SEL1L: variants seen among roughly 807,000 people sequenced by gnomAD.
The protein encoded by SEL1L is protein sel-1 homolog 1.
A neutral mutation model predicts 109.8 loss-of-function variants in SEL1L; 52 were observed. The ratio of observed to expected loss-of-function variants is 0.47; its 90% CI spans 0.38 to 0.60. The LOEUF (loss-of-function observed/expected upper bound fraction) is 0.60. SEL1L is among the 20% of genes least tolerant of loss of function. The pLI, the probability that SEL1L is intolerant of heterozygous loss-of-function variation, is 0.00. For synonymous variants in SEL1L, 373 were observed against 339.6 expected, an observed-to-expected ratio of 1.10 and a Z score of -1.08; for missense variants, 749 against 962.2, an observed-to-expected ratio of 0.78 and a Z score of 2.93.
chr14:81,481,319 G>A (rs929393585), intron 19 of SEL1L, among the ~76,000 whole-genome samples: 1 of 152,132 alleles, frequency 6.6e-6, no homozygotes, highest in Non-Finnish European at 1.5e-5. Flanking sequence ...GACCAAAAAT[G>A]ACTCCCCCTC....
chr14:81,494,371 C>T (rs1408615119), intron 11 of SEL1L, among the ~76,000 whole-genome samples: 1 of 152,150 alleles, frequency 6.6e-6, no homozygotes, highest in Admixed American at 6.5e-5. Flanking sequence ...TCGAATATTC[C>T]CCTCCCTGAT....
At chr14:81,508,116 T>C (rs189638697) in intron 3 of SEL1L, among the ~76,000 whole-genome samples, 227 of 152,246 alleles carry the variant, frequency 1.5e-3, no homozygotes, top group African/African-American at 4.9e-3. Flanking sequence ...GCATCCCTGC[T>C]CTGAAGGCTA....
intron 3 of SEL1L, among the ~76,000 whole-genome samples, chr14:81,513,835 A>G (rs1242334031): frequency 6.6e-6 from 1 of 152,018 alleles, no homozygotes; most frequent in African/African-American, 2.4e-5. Flanking sequence ...GGCTGAGCCA[A>G]GGGTGGACAG....
intron 3 of SEL1L, among the ~76,000 whole-genome samples, chr14:81,517,294 G>A (rs373206309): frequency 6.6e-6 from 1 of 152,190 alleles, no homozygotes. Flanking sequence ...GCAGTGTATT[G>A]CAGGTGAGGC....
In SEL1L at chr14:81,485,754, A is replaced by G. The variant is rs539871731; in HGVS notation, c.1799-8T>C. The G allele has an allele frequency of 2.2e-4, 349 of 1,611,998 alleles. 3 individuals carry two copies. In the South Asian group the frequency reaches 3.8e-3, roughly 17 times the overall value. Reference sequence around the variant, plus strand: ...CTACAATGCTTGCTTCTCCTACAGGAAAAGAAATGAAATACAAATCAGGCA... The same window carrying G: ...CTACAATGCTTGCTTCTCCTACAGGGAAAGAAATGAAATACAAATCAGGCA... On this transcript the variant is annotated splice_polypyrimidine_tract_variant and splice_region_variant and intron_variant, in intron 17 of 20. Transcript: ENST00000336735.
chr14:81,522,008 G>T (rs1288334029), intron 3 of SEL1L, among the ~76,000 whole-genome samples: 1 of 151,834 alleles, frequency 6.6e-6, no homozygotes, highest in Non-Finnish European at 1.5e-5. Flanking sequence ...TAACAAAAAC[G>T]TTTAAAAAGT....
At chr14:81,479,049 A>G (rs542230564) in intron 20 of SEL1L, among the ~76,000 whole-genome samples, 1 of 152,296 alleles carries the variant, frequency 6.6e-6, no homozygotes, top group South Asian at 2.1e-4. Flanking sequence ...GTACCTACAT[A>G]CCAGTATTGC....
intron 18 of SEL1L, 182 bp from the exon 19 acceptor site, chr14:81,484,579 T>C: frequency 3.6e-6 from 2 of 550,620 alleles, no homozygotes; most frequent in East Asian, 3.0e-5. Context: ...AAACTAGAAG[T>C]GTAGCTCTTC....
Position 81,504,488 on chromosome 14 carries a change from T to A in SEL1L, c.509-182A>T, listed in dbSNP as rs7161080. 0.19 allele frequency among the ~76,000 whole-genome samples: 28,290 copies of A among 147,968 alleles called. 2,710 individuals are homozygous for A. The highest frequency in any genetic ancestry group is 0.23 in the East Asian group (1,197 of 5,136). On this transcript the variant is annotated intron_variant, in intron 4 of 20. Transcript: ENST00000336735. The stretch of plus-strand genomic sequence containing the variant: ...GACACAAGATAAAACTTAAAAAAAA[T>A]ATATATATATATACACACATATATA...
intron 3 of SEL1L, among the ~76,000 whole-genome samples, chr14:81,507,661 TAAA>T (rs5810039): frequency 1.5e-4 from 22 of 145,956 alleles, no homozygotes; most frequent in Admixed American, 2.0e-4. Flanking sequence ...CAGTTACAGC[TAAA>T]AAAAAAAAAA....
At position 81,476,196 on chromosome 14, in the gene SEL1L, A is replaced by G. The variant is rs922892469; in HGVS notation, c.*776T>C. 7 of 152,212 alleles carry G rather than the reference A, an allele frequency of 4.6e-5. No individual in the cohort carries two copies. Among genetic ancestry groups the G allele is most frequent in the African/African-American group, 1.7e-4 (7 of 41,448 alleles). 9.4% of individuals were successfully genotyped at this position (152,212 alleles called of 1,614,324 possible). On this transcript the variant is annotated 3_prime_UTR_variant, in exon 21 of 21. Coordinates refer to ENST00000336735, the MANE Select transcript of SEL1L (RefSeq NM_005065.6). ...TCAAGGCTCTGTATATTCAAAACAA[A>G]CAAGCAAATTACAGAGTAGGTGGGG...
chr14:81,500,302 C>T (rs569322498), intron 6 of SEL1L, among the ~76,000 whole-genome samples: 1 of 152,150 alleles, frequency 6.6e-6, no homozygotes, highest in South Asian at 2.1e-4. Flanking sequence ...GGTACAATCT[C>T]GGCTCACTGC....
chr14:81,485,316 C>A (rs1903484167), intron 18 of SEL1L, among the ~76,000 whole-genome samples: 1 of 152,152 alleles, frequency 6.6e-6, no homozygotes, highest in Non-Finnish European at 1.5e-5. Context: ...CGCTCTGTCG[C>A]CCAGGCTGGA....
At chr14:81,513,562 C>A (rs767665932) in intron 3 of SEL1L, among the ~76,000 whole-genome samples, 3 of 152,172 alleles carry the variant, frequency 2.0e-5, no homozygotes, top group Non-Finnish European at 4.4e-5. Context: ...ATTCTGGACA[C>A]ATTTTGGCAC....
Position 81,497,969 on chromosome 14 carries a change from T to C in SEL1L, c.1051A>G (p.Met351Val). 2 of 1,614,074 alleles carry C rather than the reference T, an allele frequency of 1.2e-6. No individual in the cohort carries two copies. The highest frequency in any genetic ancestry group is 1.7e-6 in the Non-Finnish European group (2 of 1,179,944). Residue 351 changes from methionine (M) to valine (V), a missense_variant, in exon 10 of 21, where the codon ATG becomes GTG. Coordinates refer to ENST00000336735, the MANE Select transcript of SEL1L (RefSeq NM_005065.6). The stretch of plus-strand genomic sequence containing the variant: ...TCTTCTTCTAGCATTCCACTGTTCA[T>C]TCCTGGATTTTCCACTTCATCAGGC... ...RLPDEVENPG[M>V]NSGMLEEDLI...
chr14:81,490,591 C>G (rs1395699587), intron 12 of SEL1L, 126 bp from the exon 13 acceptor site: 6 of 731,218 alleles, frequency 8.2e-6, no homozygotes, highest in African/African-American at 5.3e-5. Flanking sequence ...TAGAATTCCC[C>G]ACAGGATATT....
chr14:81,518,711 G>A (rs899169852), intron 3 of SEL1L, among the ~76,000 whole-genome samples: 2 of 148,770 alleles, frequency 1.3e-5, no homozygotes, highest in Non-Finnish European at 2.9e-5. Flanking sequence ...TAAAACTTAG[G>A]GAGGAAGCCT....
rs571870882 is a variant in SEL1L, at chr14:81,475,339, G to A, written c.*1633C>T. ...AGCAATTATCTGGGAGGAAAGTTTT[G>A]CTTACCAGGTTTCCCATAATTCTCT... On this transcript the variant is annotated 3_prime_UTR_variant, in exon 21 of 21. Transcript: ENST00000336735. 1.8e-4 allele frequency: 27 copies of A among 152,676 alleles called. No homozygotes were observed. Among genetic ancestry groups the A allele is most frequent in the Non-Finnish European group, 2.9e-5 (2 of 68,010 alleles). 9.5% of individuals were successfully genotyped at this position (152,676 alleles called of 1,614,324 possible). A position where few individuals can be genotyped will look rare whatever the true frequency, so the allele number is the denominator to read the frequency against.
At chr14:81,523,183 G>T (rs1029903406) in intron 3 of SEL1L, among the ~76,000 whole-genome samples, 22 of 152,144 alleles carry the variant, frequency 1.4e-4, no homozygotes, top group African/African-American at 5.3e-4. Flanking sequence ...GGTTGCCAGG[G>T]AAACCAACCA....
Sources: gnomAD v4.1 joint callset for allele counts (sites outside exome capture counted in the v4.1 genomes callset) on GRCh38, gnomAD v4.1.1 for gene constraint, MANE v1.5 for transcripts, NCBI Gene and HGNC (gene_info 2026-07-23, HGNC 2026-07-21) for gene names.